HACD3: variants seen among roughly 807,000 people sequenced by gnomAD.
The protein encoded by HACD3 is 3-hydroxyacyl-CoA dehydratase 3.
In HACD3, 30 loss-of-function variants were observed where a neutral mutation model predicts 55.2. The ratio of observed to expected loss-of-function variants is 0.54; its 90% CI spans 0.41 to 0.74. The LOEUF is 0.74. Among genes scored for constraint, HACD3 ranks in the 30% least tolerant of loss-of-function variants. The pLI is 0.00. For synonymous variants in HACD3, 141 were observed against 151.7 expected (o/e 0.93, Z 0.52); for missense variants, 363 against 440.1 (o/e 0.82, Z 1.57).
intron 5 of HACD3, 98 bp from the exon 6 acceptor site, chr15:65,562,676 A>G (rs1368770742): frequency 1.5e-5 from 22 of 1,475,742 alleles, no homozygotes; most frequent in Non-Finnish European, 1.8e-5. Context: ...AGCATTCAGG[A>G]AGGAAAAAGG....
At chr15:65,554,135 T>A (rs1316350861) in intron 2 of HACD3, among the ~76,000 whole-genome samples, 1 of 152,240 alleles carries the variant, frequency 6.6e-6, no homozygotes, top group East Asian at 1.9e-4. Context: ...ACCCAGCATT[T>A]CCATGTACCC....
Position 65,576,550 on chromosome 15 carries a change from T to G in HACD3, c.*171T>G, listed in dbSNP as rs2072403202. On this transcript the variant is annotated 3_prime_UTR_variant, in exon 11 of 11. Coordinates refer to ENST00000261875, the MANE Select transcript of HACD3 (RefSeq NM_016395.4). ...TGAATTTACTGTTATCTTATTGTAG[T>G]ACTTGCATGACATGGATTCCTGATA... 2 of 702,826 alleles carry G rather than the reference T, an allele frequency of 2.8e-6. No individual in the cohort carries two copies. Among genetic ancestry groups the G allele is most frequent in the East Asian group, 5.5e-5 (2 of 36,296 alleles). 43.5% of individuals were successfully genotyped at this position (702,826 alleles called of 1,614,324 possible). A position where few individuals can be genotyped will look rare whatever the true frequency, so the allele number is the denominator to read the frequency against.
At chr15:65,554,857 T>C in intron 2 of HACD3, 30 bp from the exon 3 acceptor site, 1 of 1,552,204 alleles carries the variant, frequency 6.4e-7, no homozygotes, top group Non-Finnish European at 8.9e-7. Flanking sequence ...CTGCTCAAGT[T>C]TGCAGTAACC....
In HACD3 at chr15:65,566,318, C is replaced by T. The variant is rs140135806; in HGVS notation, c.660+1976C>T. On this transcript the variant is annotated intron_variant, in intron 7 of 10. Coordinates refer to ENST00000261875, the MANE Select transcript of HACD3 (RefSeq NM_016395.4). ...TCAGCAACATCCAACTTTACTGGTA[C>T]CAATTTACTGTATTAGTCCGTTTTC... The T allele has an allele frequency of 2.3e-3, 369 of 163,428 alleles. 1 individual carries two copies. The highest frequency in any genetic ancestry group is 8.6e-3 in the African/African-American group (360 of 41,740). 10.1% of individuals were successfully genotyped at this position (163,428 alleles called of 1,614,324 possible). A position where few individuals can be genotyped will look rare whatever the true frequency, so the allele number is the denominator to read the frequency against.
At chr15:65,572,501 G>A (rs1377765892) in intron 10 of HACD3, 135 bp downstream of exon 10, 1 of 1,030,592 alleles carries the variant, frequency 9.7e-7, no homozygotes, top group Non-Finnish European at 1.4e-6. Context: ...TGCAAAAACA[G>A]ACCCACTAGG....
intron 2 of HACD3, among the ~76,000 whole-genome samples, chr15:65,553,559 C>T (rs565425493): frequency 6.6e-6 from 1 of 152,290 alleles, no homozygotes; most frequent in African/African-American, 2.4e-5. Context: ...CTGTAATATA[C>T]TTGCATGAAA....
rs2071885442 is a variant in HACD3 at position 65,530,550 on chromosome 15, T to C, written c.-82T>C. ...AGGAGCGCTAGGGTTTGAGGCCTGC[T>C]TTCTGCTCGCGCCAGCAGAGCACTA... On this transcript the variant is annotated 5_prime_UTR_variant, in exon 1 of 11. Coordinates refer to ENST00000261875, the MANE Select transcript of HACD3 (RefSeq NM_016395.4). 4.5e-6 allele frequency: 6 copies of C among 1,328,942 alleles called. No individual in the cohort carries two copies. The Admixed American group carries it at 1.3e-4, about 29-fold the overall frequency. 82.3% of individuals were successfully genotyped at this position (1,328,942 alleles called of 1,614,324 possible).
intron 1 of HACD3, among the ~76,000 whole-genome samples, chr15:65,537,276 C>T (rs1204392453): frequency 6.6e-6 from 1 of 152,146 alleles, no homozygotes; most frequent in Non-Finnish European, 1.5e-5. Flanking sequence ...AACTAAGATC[C>T]TTGATGAAGG....
intron 3 of HACD3, 56 bp from the exon 4 acceptor site, chr15:65,556,683 G>C: frequency 6.6e-7 from 1 of 1,518,106 alleles, no homozygotes; most frequent in Admixed American, 2.0e-5. Flanking sequence ...CCCCTGGCAT[G>C]GTGCTGCTTC....
At chr15:65,550,098 T>G (rs755609359) in intron 1 of HACD3, among the ~76,000 whole-genome samples, 9 of 152,196 alleles carry the variant, frequency 5.9e-5, no homozygotes, top group Non-Finnish European at 8.8e-5. Flanking sequence ...TTAAGTTATA[T>G]GCATCTAGGC....
chr15:65,542,890 A>G (rs1434045305), intron 1 of HACD3, among the ~76,000 whole-genome samples: 2 of 152,074 alleles, frequency 1.3e-5, no homozygotes, highest in Admixed American at 1.3e-4. Context: ...CCTGGCCAAC[A>G]TGGGGAAACC....
intron 5 of HACD3, among the ~76,000 whole-genome samples, chr15:65,562,434 C>T (rs936838275): frequency 2.0e-5 from 3 of 152,198 alleles, no homozygotes; most frequent in African/African-American, 7.2e-5. Flanking sequence ...AGTTATAAGC[C>T]AGAAACCGTT....
chr15:65,543,052 G>T (rs1308304502), intron 1 of HACD3, among the ~76,000 whole-genome samples: 4 of 14,914 alleles, frequency 2.7e-4, no homozygotes, highest in African/African-American at 7.5e-4. Flanking sequence ...CCAGCCTGGC[G>T]ACAGTGGGAC....
intron 7 of HACD3, among the ~76,000 whole-genome samples, chr15:65,569,079 C>T (rs1326412383): frequency 6.6e-6 from 1 of 151,784 alleles, no homozygotes; most frequent in Admixed American, 6.6e-5. Flanking sequence ...AACCCCGTCT[C>T]TACTAAAAAA....
At position 65,549,834 on chromosome 15, in the gene HACD3, A is replaced by G. The variant is rs569042114; in HGVS notation, c.88-1842A>G. 3.5e-4 allele frequency among the ~76,000 whole-genome samples: 54 copies of G among 152,270 alleles called. 1 individual carries two copies. Among genetic ancestry groups the G allele is most frequent in the African/African-American group, 1.3e-3 (52 of 41,552 alleles). ...AACTGTAAGTTGGCTCTCAAAGGTTATGTAGCCCAAATTCACACAATTTAG... is the reference window on the plus strand; with the variant it reads ...AACTGTAAGTTGGCTCTCAAAGGTTGTGTAGCCCAAATTCACACAATTTAG... On this transcript the variant is annotated intron_variant, in intron 1 of 10. Coordinates refer to ENST00000261875, the MANE Select transcript of HACD3 (RefSeq NM_016395.4).
chr15:65,562,171 C>G (rs2072250194), intron 5 of HACD3, among the ~76,000 whole-genome samples: 2 of 152,090 alleles, frequency 1.3e-5, no homozygotes, highest in South Asian at 4.1e-4. Context: ...TGTGATTGGA[C>G]AAAAAGGGTC....
At chr15:65,557,179 A>G (rs764251879) in intron 4 of HACD3, among the ~76,000 whole-genome samples, 32 of 152,230 alleles carry the variant, frequency 2.1e-4, no homozygotes, top group Middle Eastern at 3.2e-3. Context: ...ATCACATCAT[A>G]TCAAGAGTAC....
chr15:65,564,682 C>A, intron 7 of HACD3: 1 of 186,154 alleles, frequency 5.4e-6, no homozygotes, highest in Non-Finnish European at 1.1e-5. Flanking sequence ...ATTTACCTCC[C>A]CCTAGGTCCC....
rs754073789 is a variant in HACD3 at position 65,542,074 on chromosome 15, C to G, written c.88-9602C>G. 1.5e-3 allele frequency among the ~76,000 whole-genome samples: 228 copies of G among 151,384 alleles called. 4 individuals carry two copies. Among genetic ancestry groups the G allele is most frequent in the Non-Finnish European group, 1.6e-3 (106 of 67,822 alleles). On this transcript the variant is annotated intron_variant, in intron 1 of 10. Coordinates refer to ENST00000261875, the MANE Select transcript of HACD3 (RefSeq NM_016395.4). ...TGAAACGGTGTCTCTACTAAAAATA[C>G]AAAAATTAGCTGGGCGTGGTGGCAT...
Sources: allele counts gnomAD v4.1 joint callset (sites outside exome capture counted in the v4.1 genomes callset), GRCh38; gene constraint gnomAD v4.1.1; transcripts MANE v1.5; gene names NCBI Gene and HGNC (gene_info 2026-07-23, HGNC 2026-07-21).